The following ZNF888 variants were observed in gnomAD, a reference collection of about 807,000 sequenced individuals.
ZNF888 encodes CTD-2331H12.6.
ZNF888 carries 5 observed loss-of-function variants against 7.2 expected under a neutral mutation model. The ratio of observed to expected loss-of-function variants is 0.70; its 90% CI spans 0.36 to 1.46. The LOEUF (loss-of-function observed/expected upper bound fraction) is 1.46, where lower values mean the gene tolerates loss of function less well. Among genes scored for constraint, ZNF888 ranks in the 40% most tolerant of loss-of-function variants. ZNF888 has a pLI of 0.03. For missense variants in ZNF888, 716 were observed against 858.0 expected (o/e 0.83, Z 2.07); for synonymous variants, 240 against 284.3 (o/e 0.84, Z 1.57).
At chr19:52,922,086 A>G (rs536683651) in intron 1 of ZNF888, among the ~76,000 whole-genome samples, 2 of 152,256 alleles carry the variant, frequency 1.3e-5, no homozygotes, top group South Asian at 2.1e-4. Flanking sequence ...AGGTCGAGGC[A>G]GGTGGATCAC....
intron 2 of ZNF888, chr19:52,918,236 T>A: frequency 1.0e-6 from 1 of 984,994 alleles, no homozygotes; most frequent in Non-Finnish European, 1.2e-6. Flanking sequence ...ATGCCTATCA[T>A]CCCAGCACTC....
intron 4 of ZNF888, 141 bp from the exon 5 acceptor site, chr19:52,908,320 G>A (rs1344888023): frequency 2.5e-6 from 2 of 806,898 alleles, no homozygotes; most frequent in African/African-American, 3.5e-5. Flanking sequence ...ACAAAAGGAG[G>A]AAGATCCTTT....
At chr19:52,914,551 TTG>T (rs2064722195) in intron 4 of ZNF888, among the ~76,000 whole-genome samples, 3 of 152,222 alleles carry the variant, frequency 2.0e-5, no homozygotes, top group Admixed American at 6.5e-5. Flanking sequence ...TTCTGAATGC[TTG>T]GGGAGCACTG....
In ZNF888 at chr19:52,907,960, C is replaced by T. The variant is rs2064631679; in HGVS notation, c.362G>A (p.Ser121Asn). Reference sequence around the variant, plus strand: ...ATGCCTTTGATCATATTGGTCTGTACTACCCGTCAACTCTTTGATTTCTGT... The same window carrying T: ...ATGCCTTTGATCATATTGGTCTGTATTACCCGTCAACTCTTTGATTTCTGT... ...PMTEIKELTG[S>N]TDQYDQRHAG... Residue 121 changes from serine (S) to asparagine (N), a missense_variant, in exon 5 of 5, where the codon AGT becomes AAT. Physicochemically the swap from Ser to Asn is conservative, Grantham distance 46. Coordinates refer to ENST00000638862, the MANE Select transcript of ZNF888 (RefSeq NM_001393938.1). The T allele has an allele frequency of 6.2e-7, 1 of 1,614,100 alleles. No individual in the cohort carries two copies. The highest frequency in any genetic ancestry group is 8.5e-7 in the Non-Finnish European group (1 of 1,180,010).
At chr19:52,909,514 T>C (rs1049960139) in intron 4 of ZNF888, among the ~76,000 whole-genome samples, 2 of 152,118 alleles carry the variant, frequency 1.3e-5, no homozygotes, top group South Asian at 2.1e-4. Flanking sequence ...TCCTAAATCC[T>C]GGGATTACAG....
At position 52,905,462 on chromosome 19, in the gene ZNF888, G is replaced by T. The variant is rs2147920189; in HGVS notation, c.*703C>A. ...AGGTGATTAAAAAAAAAAAAAATCTGTATCTGTTTTTGTTAAAGAAACAAA... is the reference window on the plus strand; with the variant it reads ...AGGTGATTAAAAAAAAAAAAAATCTTTATCTGTTTTTGTTAAAGAAACAAA... On this transcript the variant is annotated 3_prime_UTR_variant, in exon 5 of 5. Coordinates refer to ENST00000638862, the MANE Select transcript of ZNF888 (RefSeq NM_001393938.1). 1 of 155,718 alleles carries T rather than the reference G, an allele frequency of 6.4e-6. No individual in the cohort carries two copies. The highest frequency in any genetic ancestry group is 1.6e-4 in the South Asian group (1 of 6,264). The allele number at this position is 155,718 out of a possible 1,614,324, so 9.6% of individuals were successfully genotyped here. A position where few individuals can be genotyped will look rare whatever the true frequency, so the allele number is the denominator to read the frequency against.
intron 3 of ZNF888, 32 bp downstream of exon 3, chr19:52,917,827 G>A: frequency 6.2e-7 from 1 of 1,613,402 alleles, no homozygotes. Context: ...AAAGGAAGGA[G>A]ACAGAACAAT....
intron 1 of ZNF888, among the ~76,000 whole-genome samples, chr19:52,921,994 AAGAC>A (rs1315754158): frequency 6.6e-6 from 1 of 152,146 alleles, no homozygotes; most frequent in African/African-American, 2.4e-5. Context: ...CTGTTGAACT[AAGAC>A]AGAAGTAACT....
Position 52,908,149 on chromosome 19 carries a change from G to T in ZNF888, c.173C>A (p.Ser58Ter). The change falls in exon 5 of 5, where the codon TCA becomes TAA. Residue 58 changes from serine to a stop codon, truncating the protein, a stop_gained. Transcript: ENST00000638862. LOFTEE classifies it low-confidence loss of function (END_TRUNC). ...DISSKCMMEF[S>*]SIGKGNTEVI... Reference sequence around the variant, plus strand: ...TTCTGTATTGCCTTTCCCTATTGATGAGAACTCCATCATGCATTTGGAAGA... The same window carrying T: ...TTCTGTATTGCCTTTCCCTATTGATTAGAACTCCATCATGCATTTGGAAGA... The T allele has an allele frequency of 6.2e-7, 1 of 1,613,998 alleles. No individual in the cohort carries two copies. The highest frequency in any genetic ancestry group is 8.5e-7 in the Non-Finnish European group (1 of 1,179,984).
At chr19:52,914,092 T>C (rs886553083) in intron 4 of ZNF888, among the ~76,000 whole-genome samples, 3 of 152,204 alleles carry the variant, frequency 2.0e-5, no homozygotes, top group African/African-American at 7.2e-5. Context: ...ACCACTGCAC[T>C]GTAGCCTTGG....
chr19:52,911,487 C>T (rs1201156086), intron 4 of ZNF888, among the ~76,000 whole-genome samples: 5 of 151,772 alleles, frequency 3.3e-5, no homozygotes, highest in African/African-American at 7.3e-5. Context: ...CACAGGCGCC[C>T]GCCACTATGC....
chr19:52,920,510 A>G (rs1600692641), intron 1 of ZNF888, among the ~76,000 whole-genome samples: 1 of 43,398 alleles, frequency 2.3e-5, no homozygotes, highest in East Asian at 3.8e-4. Flanking sequence ...AAAAAAAAAA[A>G]AAAAAAGAAA....
Position 52,907,838 on chromosome 19 carries a change from G to A in ZNF888, c.484C>T (p.Gln162Ter). Residue 162 changes from glutamine to a stop codon, truncating the protein, a stop_gained, in exon 5 of 5, where the codon CAA (glutamine) becomes TAA (stop). Coordinates refer to ENST00000638862, the MANE Select transcript of ZNF888 (RefSeq NM_001393938.1). LOFTEE classifies it low-confidence loss of function (END_TRUNC). ...GCATTGTTGATAGACTTCTCAAGTT[G>A]ATTACCAATTTTCCCTTCGGGCTGA... ...IFQPEGKIGN[Q>*]LEKSINNASS... The A allele has an allele frequency of 6.2e-7, 1 of 1,614,154 alleles. No individual in the cohort carries two copies. The highest frequency in any genetic ancestry group is 1.7e-5 in the Admixed American group (1 of 60,022).
At chr19:52,922,921 G>C (rs991769005) in intron 1 of ZNF888, among the ~76,000 whole-genome samples, 24 of 149,386 alleles carry the variant, frequency 1.6e-4, no homozygotes, top group Admixed American at 1.6e-3. Flanking sequence ...AGGTGGGGGG[G>C]AGATGACGCC....
chr19:52,913,690 A>G, intron 4 of ZNF888: 1 of 978,600 alleles, frequency 1.0e-6, no homozygotes, highest in East Asian at 1.1e-4. Flanking sequence ...ACCTGCAACA[A>G]TAACCTCTGC....
Position 52,906,095 on chromosome 19 carries a change from A to G in ZNF888, c.*70T>C. 1 of 1,607,838 alleles carries G rather than the reference A, an allele frequency of 6.2e-7. No individual in the cohort carries two copies. Among genetic ancestry groups the G allele is most frequent in the Non-Finnish European group, 8.5e-7 (1 of 1,174,916 alleles). ...CATTTACTACACTTGTAAGATCTCT[A>G]TTCATTATGGATTCTTCAATGATTT... On this transcript the variant is annotated 3_prime_UTR_variant, in exon 5 of 5. Coordinates refer to ENST00000638862, the MANE Select transcript of ZNF888 (RefSeq NM_001393938.1).
intron 3 of ZNF888, 124 bp downstream of exon 3, chr19:52,917,735 C>T: frequency 1.3e-6 from 2 of 1,530,464 alleles, no homozygotes; most frequent in Non-Finnish European, 1.8e-6. Context: ...TGAGGGAAGG[C>T]ATGGGTGAGT....
At chr19:52,922,807 C>A (rs560873968) in intron 1 of ZNF888, among the ~76,000 whole-genome samples, 1 of 152,272 alleles carries the variant, frequency 6.6e-6, no homozygotes, top group African/African-American at 2.4e-5. Flanking sequence ...AAGAACACCC[C>A]GTGTCACAGG....
chr19:52,918,743 G>T (rs912392688), intron 2 of ZNF888, 76 bp downstream of exon 2: 1 of 152,126 alleles, frequency 6.6e-6, no homozygotes, highest in Non-Finnish European at 1.5e-5. Context: ...TCCAGCGTGA[G>T]TGACAGAATA....
Sources: gnomAD v4.1 joint callset for allele counts (sites outside exome capture counted in the v4.1 genomes callset) on GRCh38, gnomAD v4.1.1 for gene constraint, MANE v1.5 for transcripts, NCBI Gene and HGNC (gene_info 2026-07-23, HGNC 2026-07-21) for gene names.